The following WNT8B variants were observed in gnomAD, a reference collection of about 807,000 sequenced individuals.
WNT8B encodes the protein Wnt family member 8B, also known as protein Wnt-8b.
A neutral mutation model predicts 36.6 loss-of-function variants in WNT8B; 24 were observed. That is an observed-to-expected ratio of 0.66 (90% CI 0.48 to 0.92). The LOEUF is 0.92. WNT8B is among the 40% of genes least tolerant of loss of function. WNT8B has a pLI of 0.00. For synonymous variants in WNT8B, 199 were observed against 189.8 expected, an observed-to-expected ratio of 1.05 and a Z score of -0.40; for missense variants, 402 against 470.8, an observed-to-expected ratio of 0.85 and a Z score of 1.35.
chr10:100,483,012 C>T lies in WNT8B; in HGVS notation c.*196C>T. The T allele has an allele frequency of 1.7e-5, 10 of 594,396 alleles. No homozygotes were observed. The highest frequency in any genetic ancestry group is 7.4e-5 in the Admixed American group (2 of 26,952). The allele number at this position is 594,396 out of a possible 1,614,324, so 36.8% of individuals were successfully genotyped here. On this transcript the variant is annotated 3_prime_UTR_variant, in exon 6 of 6. Coordinates refer to ENST00000343737, the MANE Select transcript of WNT8B (RefSeq NM_003393.4). The stretch of plus-strand genomic sequence containing the variant: ...CCTCTGTGCTCTCCTAGAGCTCTGT[C>T]TGAATCCTCGCAGCCACACCTAGGT...
intron 1 of WNT8B, among the ~76,000 whole-genome samples, chr10:100,477,427 G>T (rs1165697755): frequency 6.6e-6 from 1 of 151,794 alleles, no homozygotes. Context: ...AGCCTCCTGA[G>T]TAGCTGGAAC....
chr10:100,482,091 G>C lies in WNT8B; in HGVS notation c.510+37G>C, dbSNP rs113381762. 8.1e-6 allele frequency: 13 copies of C among 1,612,276 alleles called. No homozygotes were observed. The African/African-American group carries it at 1.2e-4, about 15-fold the overall frequency. ...AGCCCTTGGAAATAGGCAGCTGCTG[G>C]CTATATCCACTACCAGCTCCAGGTG... On this transcript the variant is annotated intron_variant, in intron 5 of 5. Transcript: ENST00000343737. The surrounding 1 kb of genome is among the most constrained non-coding windows in gnomAD (Gnocchi z 6.6).
At chr10:100,470,597 C>T (rs1030144636) in intron 1 of WNT8B, among the ~76,000 whole-genome samples, 3 of 151,984 alleles carry the variant, frequency 2.0e-5, no homozygotes, top group Admixed American at 2.0e-4. Context: ...GCCAGAAATA[C>T]TACGTAAAGA....
chr10:100,480,233 T>A lies in WNT8B; in HGVS notation c.241+221T>A, dbSNP rs914703764. Among the ~76,000 whole-genome samples, 4 of 152,230 alleles carry A rather than the reference T, an allele frequency of 2.6e-5. No homozygotes were observed. In the South Asian group the frequency reaches 8.3e-4, roughly 31 times the overall value. On this transcript the variant is annotated intron_variant, in intron 3 of 5. Transcript: ENST00000343737. ...ACTCTCATTGCTCAACAAATGGATC[T>A]TGCCTTACTCCCAATCCCATACCAT...
chr10:100,463,790 A>G (rs1220225693), intron 1 of WNT8B, among the ~76,000 whole-genome samples: 1 of 152,242 alleles, frequency 6.6e-6, no homozygotes, highest in African/African-American at 2.4e-5. Flanking sequence ...TTAGAAATCT[A>G]AACGTCTCGA....
intron 1 of WNT8B, among the ~76,000 whole-genome samples, chr10:100,474,591 G>T (rs959789262): frequency 6.6e-6 from 1 of 151,988 alleles, no homozygotes; most frequent in Non-Finnish European, 1.5e-5. Flanking sequence ...TTGAGACAGA[G>T]TCTCGCTCTG....
intron 1 of WNT8B, among the ~76,000 whole-genome samples, chr10:100,464,546 A>T (rs1850890504): frequency 6.6e-6 from 1 of 152,198 alleles, no homozygotes; most frequent in Admixed American, 6.5e-5. Context: ...TCTATAAAAA[A>T]TACCTTTACT....
rs752894541 is a variant in WNT8B, at chr10:100,482,806, G to A, written c.1046G>A (p.Arg349Lys). The change falls in exon 6 of 6, where the codon AGA (arginine) becomes AAA (lysine). Residue 349 changes from arginine (R) to lysine (K), a missense_variant. Arg to Lys is a conservative substitution (Grantham distance 26). Around this residue, in one of 3 missense-constraint regions of WNT8B, gnomAD observed 256 missense variants for 278.6 expected, o/e 0.92. Coordinates refer to ENST00000343737, the MANE Select transcript of WNT8B (RefSeq NM_003393.4). This position sits in a 1 kb window ranked among gnomAD's most constrained non-coding sequence, Gnocchi z 6.6. ...PRGGAAHKPG[R>K]KP ...GGGGGCGCTGCGCACAAACCCGGGAGAAAACCCTAAGGGTTTCCTCTGCCC... is the reference window on the plus strand; with the variant it reads ...GGGGGCGCTGCGCACAAACCCGGGAAAAAACCCTAAGGGTTTCCTCTGCCC... The A allele has an allele frequency of 6.4e-7, 1 of 1,570,304 alleles. No homozygotes were observed. Among genetic ancestry groups the A allele is most frequent in the Admixed American group, 1.8e-5 (1 of 55,710 alleles).
At chr10:100,477,575 AG>A (rs1298875550) in intron 1 of WNT8B, among the ~76,000 whole-genome samples, 1 of 152,124 alleles carries the variant, frequency 6.6e-6, no homozygotes, top group Admixed American at 6.5e-5. Flanking sequence ...CTAGGATTAC[AG>A]GCGTGAGCCA....
intron 1 of WNT8B, 130 bp downstream of exon 1, chr10:100,463,366 G>A: frequency 1.3e-6 from 1 of 787,252 alleles, no homozygotes; most frequent in Non-Finnish European, 2.0e-6. Flanking sequence ...GTTCTATGGG[G>A]TAGGGCTCTT....
chr10:100,482,409 A>C lies in WNT8B; in HGVS notation c.649A>C (p.Lys217Gln), dbSNP rs909782567. 6.2e-7 allele frequency: 1 copy of C among 1,607,262 alleles called. No individual in the cohort carries two copies. Among genetic ancestry groups the C allele is most frequent in the African/African-American group, 1.3e-5 (1 of 74,946 alleles). The part of the protein sequence containing the change: ...HLKEKYHAAL[K>Q]VDLLQGAGNS... The stretch of plus-strand genomic sequence containing the variant: ...GAAGGAGAAGTACCACGCAGCACTC[A>C]AGGTGGACCTGCTGCAGGGTGCTGG... The change falls in exon 6 of 6, where the codon AAG becomes CAG. Residue 217 changes from lysine to glutamine, a missense_variant. Lys to Gln is a moderately conservative substitution (Grantham distance 53, BLOSUM62 1). This residue lies in a region of WNT8B where 256 missense variants were observed against 278.6 expected (regional missense o/e 0.92). Coordinates refer to ENST00000343737, the MANE Select transcript of WNT8B (RefSeq NM_003393.4). This position sits in a 1 kb window ranked among gnomAD's most constrained non-coding sequence, Gnocchi z 6.6.
Position 100,482,476 on chromosome 10 carries a change from G to A in WNT8B, c.716G>A (p.Arg239His). Residue 239 changes from arginine (R) to histidine (H), a missense_variant, in exon 6 of 6, where the codon CGC becomes CAC. Transcript: ENST00000343737. The surrounding 1 kb of genome is among the most constrained non-coding windows in gnomAD (Gnocchi z 6.6). ...CGCGGCGCCATCGCCGACACCTTTCGCTCCATCTCTACCCGGGAGCTGGTG... is the reference window on the plus strand; with the variant it reads ...CGCGGCGCCATCGCCGACACCTTTCACTCCATCTCTACCCGGGAGCTGGTG... ...AGRGAIADTFRSISTRELVHL... is the reference protein window; with the variant it reads ...AGRGAIADTFHSISTRELVHL... 1.2e-6 allele frequency: 2 copies of A among 1,603,388 alleles called. No individual in the cohort carries two copies. The highest frequency in any genetic ancestry group is 1.7e-6 in the Non-Finnish European group (2 of 1,179,798).
At chr10:100,469,431 A>G (rs1000920933) in intron 1 of WNT8B, among the ~76,000 whole-genome samples, 2 of 152,176 alleles carry the variant, frequency 1.3e-5, no homozygotes, top group Non-Finnish European at 2.9e-5. Flanking sequence ...TCCCTTTAAG[A>G]CTTCAGATAC....
At chr10:100,477,942 AT>A (rs34357304) in intron 1 of WNT8B, among the ~76,000 whole-genome samples, 2,951 of 126,614 alleles carry the variant, frequency 0.023, 57 homozygotes, top group African/African-American at 0.059. Context: ...ATGCCTAGCT[AT>A]TTTTTTTTTT....
intron 1 of WNT8B, among the ~76,000 whole-genome samples, chr10:100,473,826 T>C (rs1851004887): frequency 6.6e-6 from 1 of 152,088 alleles, no homozygotes; most frequent in African/African-American, 2.4e-5. Flanking sequence ...CTTGGGAGGC[T>C]GAGGCACAAG....
chr10:100,466,577 T>C (rs1265014343), intron 1 of WNT8B, among the ~76,000 whole-genome samples: 1 of 152,076 alleles, frequency 6.6e-6, no homozygotes, highest in Admixed American at 6.6e-5. Context: ...TTTGTGTGAG[T>C]GACAAGAAGG....
intron 4 of WNT8B, among the ~76,000 whole-genome samples, chr10:100,481,622 T>C (rs1034556886): frequency 6.6e-6 from 1 of 152,192 alleles, no homozygotes; most frequent in Non-Finnish European, 1.5e-5. Context: ...CCTCTGCCCA[T>C]GCGAAGAGGC....
chr10:100,478,076 G>T (rs1851062500), intron 1 of WNT8B, among the ~76,000 whole-genome samples: 2 of 151,910 alleles, frequency 1.3e-5, no homozygotes, highest in East Asian at 3.9e-4. Context: ...GAGCCACTGT[G>T]CCCAGCCCAT....
chr10:100,479,061 C>A lies in WNT8B; in HGVS notation c.78C>A (p.Asn26Lys). ...VLQLSHSWSVNNFLMTGPKAY... is the reference protein window; with the variant it reads ...VLQLSHSWSVKNFLMTGPKAY... Reference sequence around the variant, plus strand: ...TTTTTTTCCCTTATAGGTCGGTGAACAATTTCCTGATGACTGGTCCAAAGG... The same window carrying A: ...TTTTTTTCCCTTATAGGTCGGTGAAAAATTTCCTGATGACTGGTCCAAAGG... Residue 26 changes from asparagine to lysine, a missense_variant, in exon 2 of 6, where the codon AAC (asparagine) becomes AAA (lysine). Transcript: ENST00000343737. The A allele has an allele frequency of 6.3e-7, 1 of 1,599,182 alleles. No homozygotes were observed. The highest frequency in any genetic ancestry group is 8.5e-7 in the Non-Finnish European group (1 of 1,176,238).
Sources: allele counts gnomAD v4.1 joint callset (sites outside exome capture counted in the v4.1 genomes callset), GRCh38; gene constraint gnomAD v4.1.1; regional missense constraint gnomAD v4.1.1; non-coding constraint Gnocchi (gnomAD v3.1); transcripts MANE v1.5; gene names NCBI Gene and HGNC (gene_info 2026-07-23, HGNC 2026-07-21).